OSBPL5: variants seen among roughly 807,000 people sequenced by gnomAD.
The protein encoded by OSBPL5 is oxysterol binding protein like 5, also known as oxysterol-binding protein-related protein 5.
A neutral mutation model predicts 111.2 loss-of-function variants in OSBPL5; 71 were observed. That is an observed-to-expected ratio of 0.64 (90% confidence interval 0.53 to 0.78). The LOEUF is 0.78. OSBPL5 is among the 30% of genes least tolerant of loss of function. OSBPL5 has a pLI of 0.00. For synonymous variants in OSBPL5, 549 were observed against 513.9 expected, an observed-to-expected ratio of 1.07 and a Z score of -0.93; for missense variants, 1,210 against 1,189.3, an observed-to-expected ratio of 1.02 and a Z score of -0.26.
At position 3,092,403 on chromosome 11, in the gene OSBPL5, G is replaced by T; in HGVS notation, c.2259+29C>A. The T allele has an allele frequency of 6.4e-7, 1 of 1,557,024 alleles. No individual in the cohort carries two copies. On this transcript the variant is annotated intron_variant, in intron 19 of 21. Coordinates refer to ENST00000263650, the MANE Select transcript of OSBPL5 (RefSeq NM_020896.4). The surrounding 1 kb of genome is among the most constrained non-coding windows in gnomAD (Gnocchi z 5.4). ...GTGGCCACACGTGCAGCTAAGACCA[G>T]CCCTGGGTGGGGCCTGTGGGGTGCT...
chr11:3,117,780 T>C (rs1564840933), intron 7 of OSBPL5, among the ~76,000 whole-genome samples: 1 of 152,212 alleles, frequency 6.6e-6, no homozygotes, highest in South Asian at 2.1e-4. Context: ...TTGGAGTCGC[T>C]GAAGACTAAG....
At chr11:3,088,486 A>G (rs1856950770) in intron 21 of OSBPL5, 143 bp from the exon 22 acceptor site, 3 of 994,698 alleles carry the variant, frequency 3.0e-6, no homozygotes, top group Non-Finnish European at 4.0e-6. Context: ...CAGGGGCAAC[A>G]GAGCGGGTGG....
chr11:3,153,709 T>C (rs140918693), intron 1 of OSBPL5, among the ~76,000 whole-genome samples: 3,267 of 152,142 alleles, frequency 0.021, 67 homozygotes, highest in African/African-American at 0.049. Flanking sequence ...CTGAGGTCAT[T>C]CGTTAAACCT....
In OSBPL5 at chr11:3,120,622, G is replaced by T. The variant is rs758308228; in HGVS notation, c.405C>A (p.Ile135=). 1.4e-5 allele frequency: 22 copies of T among 1,612,208 alleles called. 1 individual carries two copies. The highest frequency in any genetic ancestry group is 7.7e-5 in the South Asian group (7 of 91,062). The change falls in exon 6 of 22, where the codon ATC becomes ATA. Residue 135 remains isoleucine (I), a splice_region_variant and synonymous_variant. Coordinates refer to ENST00000263650, the MANE Select transcript of OSBPL5 (RefSeq NM_020896.4). ...SVVIMADSLK[I]RGTLKSWTKL... is the part of the protein sequence containing the mutation. The stretch of plus-strand genomic sequence containing the variant: ...TGGTCCAGCTCTTCAGGGTGCCGCG[G>T]ATCTGCAGGGAGGATGCTGGCGTCG...
rs1564829707 is a variant in OSBPL5, at chr11:3,103,736, GCCTCTGCAACCCTCTTCCAGCTC to G, written c.1244+434_1245-417del. Reference sequence around the variant, plus strand: ...CTTCCAGGCTCTGCTGCCCCTTCCTGCCTCTGCAACCCTCTTCCAGCTCTGCAGCCCCCTTCCAGCCTCTGCAG... The same window carrying G: ...CTTCCAGGCTCTGCTGCCCCTTCCTGTGCAGCCCCCTTCCAGCCTCTGCAG... On this transcript the variant is annotated intron_variant, in intron 10 of 21. Transcript: ENST00000263650. 5.7e-4 allele frequency among the ~76,000 whole-genome samples: 27 copies of G among 47,476 alleles called. 1 individual carries two copies. In the South Asian group the frequency reaches 8.4e-3, roughly 15 times the overall value. The allele number at this position is 47,476 out of a possible 152,430, so 31.1% of individuals were successfully genotyped here. A position where few individuals can be genotyped will look rare whatever the true frequency, so the allele number is the denominator to read the frequency against.
chr11:3,114,891 C>T (rs888046434), intron 7 of OSBPL5, among the ~76,000 whole-genome samples: 11 of 152,106 alleles, frequency 7.2e-5, no homozygotes, highest in East Asian at 1.9e-4. Flanking sequence ...CATGAGCCAC[C>T]GCACCTGGCC....
rs1421334991 is a variant in OSBPL5, at chr11:3,109,718, G to T, written c.692-1773C>A. Among the ~76,000 whole-genome samples, 2 of 152,130 alleles carry T rather than the reference G, an allele frequency of 1.3e-5. No individual in the cohort carries two copies. Among genetic ancestry groups the T allele is most frequent in the African/African-American group, 4.8e-5 (2 of 41,430 alleles). On this transcript the variant is annotated intron_variant, in intron 7 of 21. Coordinates refer to ENST00000263650, the MANE Select transcript of OSBPL5 (RefSeq NM_020896.4). This position sits in a 1 kb window ranked among gnomAD's most constrained non-coding sequence, Gnocchi z 7.4. Reference sequence around the variant, plus strand: ...CCTGGGCGGAACACCAGGGTTGGGGGAGGGATGGCAGTGGATGGTGGTGGG... The same window carrying T: ...CCTGGGCGGAACACCAGGGTTGGGGTAGGGATGGCAGTGGATGGTGGTGGG...
rs1857619491 is a variant in OSBPL5, at chr11:3,104,243, G to A, written c.1194C>T (p.Ser398=). 1.2e-6 allele frequency: 2 copies of A among 1,613,344 alleles called. No homozygotes were observed. Among genetic ancestry groups the A allele is most frequent in the Non-Finnish European group, 1.7e-6 (2 of 1,179,512 alleles). Residue 398 remains serine, a synonymous_variant, in exon 10 of 22, where the codon TCC becomes TCT. Transcript: ENST00000263650. The surrounding 1 kb of genome is among the most constrained non-coding windows in gnomAD (Gnocchi z 5.0). Reference sequence around the variant, plus strand: ...AGTAGTCGGAGAGCTTGTTCAGGAAGGAGCGCGGCTCCAGTACGAACGTGG... The same window carrying A: ...AGTAGTCGGAGAGCTTGTTCAGGAAAGAGCGCGGCTCCAGTACGAACGTGG... The part of the protein sequence containing the change: ...VLPTFVLEPR[S]FLNKLSDYYY...
In OSBPL5 at chr11:3,113,374, G is replaced by C. The variant is rs1308388472; in HGVS notation, c.692-5429C>G. Among the ~76,000 whole-genome samples the C allele has an allele frequency of 6.6e-6, 1 of 152,130 alleles. No individual in the cohort carries two copies. Among genetic ancestry groups the C allele is most frequent in the East Asian group, 1.9e-4 (1 of 5,196 alleles). ...CCCAGCCCAAGACAGAATGATCTTT[G>C]CTTGTGTAATCTTTAATAATGCCTG... On this transcript the variant is annotated intron_variant, in intron 7 of 21. Coordinates refer to ENST00000263650, the MANE Select transcript of OSBPL5 (RefSeq NM_020896.4). This position sits in a 1 kb window ranked among gnomAD's most constrained non-coding sequence, Gnocchi z 4.8.
chr11:3,094,216 C>A (rs766492306), intron 15 of OSBPL5, 21 bp downstream of exon 15: 2 of 1,610,472 alleles, frequency 1.2e-6, no homozygotes, highest in South Asian at 1.1e-5. Flanking sequence ...CTCGTCTCCC[C>A]CAGGCTGCAG....
chr11:3,094,455 G>A, intron 14 of OSBPL5, 121 bp from the exon 15 acceptor site: 2 of 734,494 alleles, frequency 2.7e-6, no homozygotes, highest in Admixed American at 4.5e-5. Flanking sequence ...CGATCCCTGG[G>A]AGGCCTGTGT....
At chr11:3,150,477 G>A (rs531959592) in intron 1 of OSBPL5, among the ~76,000 whole-genome samples, 17 of 152,160 alleles carry the variant, frequency 1.1e-4, no homozygotes, top group African/African-American at 3.6e-4. Flanking sequence ...CGTCCCACCC[G>A]TCCAAGCTGG....
chr11:3,152,548 G>A (rs6578324), intron 1 of OSBPL5, among the ~76,000 whole-genome samples: 23,812 of 152,172 alleles, frequency 0.16, 1,905 homozygotes, highest in Admixed American at 0.19. Context: ...CCCTTCCAGG[G>A]ATCCCATGTG....
chr11:3,151,543 C>T (rs1846585882), intron 1 of OSBPL5, among the ~76,000 whole-genome samples: 1 of 152,220 alleles, frequency 6.6e-6, no homozygotes, highest in Non-Finnish European at 1.5e-5. Flanking sequence ...GCTGGGGGTG[C>T]ATCCAAACCG....
Position 3,093,557 on chromosome 11 carries a change from A to G in OSBPL5, c.1916T>C (p.Leu639Pro). 1 of 1,611,304 alleles carries G rather than the reference A, an allele frequency of 6.2e-7. No individual in the cohort carries two copies. The highest frequency in any genetic ancestry group is 8.5e-7 in the Non-Finnish European group (1 of 1,179,900). ...GGACTCCAGCTCCGTCTGCTCCTCC[A>G]GCGGCACCGTGTGCTGCCTCAGCCT... is the stretch of plus-strand genomic sequence containing the variant. ...RQRLRQHTVP[L>P]EEQTELESER... The change falls in exon 17 of 22, where the codon CTG (leucine) becomes CCG (proline). Residue 639 changes from leucine (L) to proline (P), a missense_variant. Leu to Pro is a moderately conservative substitution (Grantham distance 98). Transcript: ENST00000263650.
At position 3,142,038 on chromosome 11, in the gene OSBPL5, G is replaced by A. The variant is rs112251751; in HGVS notation, c.-21-12869C>T. Among the ~76,000 whole-genome samples the A allele has an allele frequency of 0.021, 3,216 of 152,204 alleles. 49 individuals carry two copies. Among genetic ancestry groups the A allele is most frequent in the Non-Finnish European group, 0.029 (1,985 of 67,998 alleles). On this transcript the variant is annotated intron_variant, in intron 1 of 21. Transcript: ENST00000263650. The surrounding 1 kb of genome is among the most constrained non-coding windows in gnomAD (Gnocchi z 7.1). ...AGCAATTATCCTGCCTCAGCCTCCC[G>A]CGTTGCTGGGACTACAGGCACCTGC...
chr11:3,115,873 C>CTTTTT (rs369499437), intron 7 of OSBPL5, among the ~76,000 whole-genome samples: 1 of 143,994 alleles, frequency 6.9e-6, no homozygotes, highest in Non-Finnish European at 1.5e-5. Context: ...AGGCTTTTGC[C>CTTTTT]TTTTTTTTTT....
intron 10 of OSBPL5, among the ~76,000 whole-genome samples, chr11:3,103,905 C>T (rs529041889): frequency 2.8e-5 from 4 of 141,770 alleles, no homozygotes; most frequent in Admixed American, 1.4e-4. Flanking sequence ...CCTCTGCAGC[C>T]CCCTTCCTGC....
intron 7 of OSBPL5, among the ~76,000 whole-genome samples, chr11:3,112,598 A>G (rs552681341): frequency 6.6e-6 from 1 of 151,744 alleles, no homozygotes; most frequent in African/African-American, 2.4e-5. Flanking sequence ...TTGTAAGTGC[A>G]CTATAAAAGC....
Sources: gnomAD v4.1 joint callset for allele counts (sites outside exome capture counted in the v4.1 genomes callset) on GRCh38, gnomAD v4.1.1 for gene constraint, Gnocchi (gnomAD v3.1) non-coding constraint, MANE v1.5 for transcripts, NCBI Gene and HGNC (gene_info 2026-07-23, HGNC 2026-07-21) for gene names.